ZNF469: variants seen among roughly 807,000 people sequenced by gnomAD.
ZNF469 encodes zinc finger protein 469.
ZNF469 carries 1 observed loss-of-function variant against 1.0 expected under a neutral mutation model. The ratio of observed to expected loss-of-function variants is 1.00; its 90% CI spans 0.35 to 4.73. The LOEUF (loss-of-function observed/expected upper bound fraction) is 4.73, where lower values mean the gene tolerates loss of function less well. Among genes scored for constraint, ZNF469 ranks in the 30% most tolerant of loss-of-function variants. ZNF469 has a pLI of 0.16. For synonymous variants in ZNF469, 2,703 were observed against 2,363.4 expected (o/e 1.14, Z -4.17); for missense variants, 6,100 against 5,356.3 (o/e 1.14, Z -4.33).
At chr16:88,411,461 T>C (rs1046933936) in intron 1 of ZNF469, among the ~76,000 whole-genome samples, 6 of 142,316 alleles carry the variant, frequency 4.2e-5, no homozygotes, top group African/African-American at 1.4e-4. Context: ...GGGGTGCGAG[T>C]GGGCAGGGGT....
At chr16:88,327,709 C>T in the ZNF469 span, among the ~76,000 whole-genome samples, 1 of 152,196 alleles carries the variant, frequency 6.6e-6, no homozygotes, top group African/African-American at 2.4e-5. Flanking sequence ...TCCGTGCACA[C>T]TCACTGAGCA....
At chr16:88,142,828 GC>G in the ZNF469 span, among the ~76,000 whole-genome samples, 1 of 152,188 alleles carries the variant, frequency 6.6e-6, no homozygotes, top group East Asian at 1.9e-4. Context: ...TTAATCCCCA[GC>G]CCCACCTGGA....
chr16:88,375,038 C>T, the ZNF469 span, among the ~76,000 whole-genome samples: 1 of 152,256 alleles, frequency 6.6e-6, no homozygotes, highest in South Asian at 2.1e-4. Context: ...GGACTGTGCA[C>T]ACAGCTGGGG....
chr16:88,193,051 A>ATGGTGG, the ZNF469 span, among the ~76,000 whole-genome samples: 1 of 31,310 alleles, frequency 3.2e-5, no homozygotes, highest in African/African-American at 1.4e-4. Flanking sequence ...GGTGGTGATG[A>ATGGTGG]TGGTGATGGT....
chr16:88,361,888 A>G, the ZNF469 span, among the ~76,000 whole-genome samples: 1 of 152,190 alleles, frequency 6.6e-6, no homozygotes, highest in Non-Finnish European at 1.5e-5. Flanking sequence ...ACAGATACCC[A>G]GTTGTGCCTG....
chr16:88,127,125 G>A, the ZNF469 span, among the ~76,000 whole-genome samples: 18 of 152,078 alleles, frequency 1.2e-4, no homozygotes, highest in African/African-American at 4.3e-4. Flanking sequence ...GCCCGGCCCA[G>A]TTTCATGTTT....
At chr16:88,324,021 C>T in the ZNF469 span, among the ~76,000 whole-genome samples, 17 of 152,352 alleles carry the variant, frequency 1.1e-4, no homozygotes, top group East Asian at 1.9e-4. Flanking sequence ...TCAGGGCCTG[C>T]GGGCAGCAGC....
the ZNF469 span, among the ~76,000 whole-genome samples, chr16:88,321,964 A>T: frequency 2.0e-5 from 3 of 152,224 alleles, no homozygotes. Flanking sequence ...CGCTTCTGAC[A>T]TCACTCAACA....
chr16:88,427,182 C>T (rs956780896), intron 2 of ZNF469, among the ~76,000 whole-genome samples, 163 bp from the exon 3 acceptor site: 7 of 152,136 alleles, frequency 4.6e-5, no homozygotes, highest in African/African-American at 1.7e-4. Context: ...TAGGTAGGGG[C>T]TGAGCCGAGC....
the ZNF469 span, among the ~76,000 whole-genome samples, chr16:88,279,196 CGCTG>C: frequency 7.2e-6 from 1 of 139,264 alleles, no homozygotes; most frequent in African/African-American, 2.5e-5. Flanking sequence ...TGCTGCGCCA[CGCTG>C]ACACTCGGTC....
rs368824639 is a variant in ZNF469 at position 88,383,842 on chromosome 16, G to T, written c.-192+588G>T. 6.8e-3 allele frequency among the ~76,000 whole-genome samples: 1,037 copies of T among 152,232 alleles called. 14 individuals are homozygous for T. Among genetic ancestry groups the T allele is most frequent in the African/African-American group, 0.024 (988 of 41,564 alleles). On this transcript the variant is annotated intron_variant, in intron 1 of 2. Coordinates refer to ENST00000565624, the MANE Select transcript of ZNF469 (RefSeq NM_001367624.2). ...CTGGGGGAGACCACGCCGCACCCCC[G>T]CCCAGCCCCGCGCACCCCCAGAGGC...
At chr16:88,174,484 A>ATCTG in the ZNF469 span, among the ~76,000 whole-genome samples, 1 of 115,526 alleles carries the variant, frequency 8.7e-6, no homozygotes, top group Non-Finnish European at 1.6e-5. Flanking sequence ...CTGTCTATCT[A>ATCTG]TCTATCTATC....
chr16:88,211,502 G>A, the ZNF469 span, among the ~76,000 whole-genome samples: 3 of 151,984 alleles, frequency 2.0e-5, no homozygotes, highest in South Asian at 4.2e-4. Context: ...ATTGTATTCC[G>A]AACGTTGTTA....
the ZNF469 span, among the ~76,000 whole-genome samples, chr16:88,140,187 T>C: frequency 6.6e-6 from 1 of 152,136 alleles, no homozygotes; most frequent in African/African-American, 2.4e-5. Context: ...AGAACCGATT[T>C]AAATGAAAAA....
chr16:88,429,840 G>A lies in ZNF469; in HGVS notation c.2370G>A (p.Leu790=), dbSNP rs147859144. The A allele has an allele frequency of 1.6e-3, 2,420 of 1,548,804 alleles. 36 individuals are homozygous for A. In the African/African-American group the frequency reaches 0.028, roughly 18 times the overall value. ...TCCCTGCCGACGCACACGCGGGCTT[G>A]CTCAGCCACGCGAAGACCTTCCTGT... is the stretch of plus-strand genomic sequence containing the variant. The part of the protein sequence containing the change: ...PRVPADAHAG[L]LSHAKTFLLA... Residue 790 remains leucine, a synonymous_variant, in exon 3 of 3, where the codon TTG becomes TTA. Coordinates refer to ENST00000565624, the MANE Select transcript of ZNF469 (RefSeq NM_001367624.2).
chr16:88,331,222 CCACCACCAT>C, the ZNF469 span, among the ~76,000 whole-genome samples: 12,140 of 148,978 alleles, frequency 0.081, 789 homozygotes, highest in Non-Finnish European at 0.12. Context: ...ACCGTCACCA[CCACCACCAT>C]CACCACCATC....
the ZNF469 span, among the ~76,000 whole-genome samples, chr16:88,166,202 G>T: frequency 1.3e-5 from 2 of 152,098 alleles, no homozygotes; most frequent in Admixed American, 1.3e-4. This position sits in a 1 kb window ranked among gnomAD's most constrained non-coding sequence, Gnocchi z 4.5. Context: ...TAATTTTGCA[G>T]TCAACACCCA....
At chr16:88,108,234 C>T in the ZNF469 span, among the ~76,000 whole-genome samples, 110 of 97,500 alleles carry the variant, frequency 1.1e-3, no homozygotes, top group South Asian at 4.7e-3. Context: ...TGTGGGGATG[C>T]GGGGAGGGGG....
At chr16:88,200,027 C>A in the ZNF469 span, among the ~76,000 whole-genome samples, 4,675 of 152,252 alleles carry the variant, frequency 0.031, 209 homozygotes, top group East Asian at 0.18. Flanking sequence ...AAATGCCTCC[C>A]GCTCCCACCC....
Sources: allele counts gnomAD v4.1 joint callset (sites outside exome capture counted in the v4.1 genomes callset), GRCh38; gene constraint gnomAD v4.1.1; non-coding constraint Gnocchi (gnomAD v3.1); transcripts MANE v1.5; gene names NCBI Gene and HGNC (gene_info 2026-07-23, HGNC 2026-07-21).